Variants in TFEC observed in about 807,000 individuals in gnomAD.
The protein encoded by TFEC is class E basic helix-loop-helix protein 34.
TFEC carries 31 observed loss-of-function variants against 41.6 expected under a neutral mutation model. The ratio of observed to expected loss-of-function variants is 0.74; its 90% CI spans 0.56 to 1.01. TFEC has a LOEUF of 1.01. Ranked by LOEUF, TFEC falls within the 50% of genes least tolerant of loss-of-function variation. TFEC has a pLI of 0.00. For synonymous variants in TFEC, 143 were observed against 140.6 expected (o/e 1.02, Z -0.12); for missense variants, 402 against 404.1 (o/e 0.99, Z 0.04).
intron 2 of TFEC, among the ~76,000 whole-genome samples, chr7:115,983,226 A>G (rs1793706200): frequency 6.6e-6 from 1 of 152,060 alleles, no homozygotes; most frequent in South Asian, 2.1e-4. Context: ...ACATGTAGGT[A>G]TTTACATTCG....
At chr7:116,093,537 G>T (rs991905509) in intron 3 of TFEC, among the ~76,000 whole-genome samples, 1 of 151,884 alleles carries the variant, frequency 6.6e-6, no homozygotes, top group African/African-American at 2.4e-5. Context: ...CTTTAGCGTG[G>T]GTCTGATTTT....
intron 1 of TFEC, among the ~76,000 whole-genome samples, chr7:116,141,314 CATAAATA>C (rs1354626402): frequency 6.6e-6 from 1 of 151,874 alleles, no homozygotes; most frequent in Non-Finnish European, 1.5e-5. Context: ...ATGTTAATGT[CATAAATA>C]ATAAATAATC....
At chr7:115,986,243 A>G (rs1035963846) in intron 1 of TFEC, among the ~76,000 whole-genome samples, 4 of 152,190 alleles carry the variant, frequency 2.6e-5, no homozygotes, top group Non-Finnish European at 5.9e-5. Flanking sequence ...GATACTAGGC[A>G]CTATGCTAAA....
chr7:115,942,111 T>G (rs1793538438), intron 6 of TFEC, 71 bp from the exon 7 acceptor site: 1 of 1,428,006 alleles, frequency 7.0e-7, no homozygotes, highest in African/African-American at 1.4e-5. Flanking sequence ...TACAAAATCT[T>G]TTACATTAAT....
chr7:116,007,405 CT>C (rs1374224337), intron 1 of TFEC, among the ~76,000 whole-genome samples: 1 of 152,178 alleles, frequency 6.6e-6, no homozygotes, highest in Non-Finnish European at 1.5e-5. Flanking sequence ...ATGTTATTAA[CT>C]TACCTATTTG....
At position 115,937,269 on chromosome 7, in the gene TFEC, T is replaced by C. The variant is rs1164975484; in HGVS notation, c.*3282A>G. The C allele has an allele frequency of 6.6e-6, 1 of 151,728 alleles. No individual in the cohort carries two copies. The highest frequency in any genetic ancestry group is 1.9e-4 in the East Asian group (1 of 5,184). 9.4% of individuals were successfully genotyped at this position (151,728 alleles called of 1,614,324 possible). ...ATGAAAAGGGATAATTGTATATTAA[T>C]TGAATGAATAAATCAATAATTATGC... is the stretch of plus-strand genomic sequence containing the variant. On this transcript the variant is annotated 3_prime_UTR_variant, in exon 8 of 8. Coordinates refer to ENST00000265440, the MANE Select transcript of TFEC (RefSeq NM_012252.4).
Position 116,080,976 on chromosome 7 carries a change from A to AGTGTATGTAT in TFEC, c.198+29731_198+29732insATACATACAC, listed in dbSNP as rs1424213374. ...ATCAACGAGTGGATAAAGAAAATGT[A>AGTGTATGTAT]GTGTGTGTGTGTGTGTGTGTGTGTG... On this transcript the variant is annotated intron_variant, in intron 3 of 8. Coordinates refer to the TFEC transcript ENST00000484212. 1.3e-3 allele frequency among the ~76,000 whole-genome samples: 185 copies of AGTGTATGTAT among 138,012 alleles called. 1 individual carries two copies. Among genetic ancestry groups the AGTGTATGTAT allele is most frequent in the African/African-American group, 4.3e-3 (160 of 37,006 alleles). 90.5% of individuals were successfully genotyped at this position (138,012 alleles called of 152,430 possible).
intron 1 of TFEC, among the ~76,000 whole-genome samples, chr7:116,014,021 C>T (rs10085427): frequency 0.45 from 68,053 of 151,684 alleles, 15,997 homozygotes; most frequent in African/African-American, 0.59. Context: ...CACTTTAGTC[C>T]CTAGATTATG....
intron 5 of TFEC, among the ~76,000 whole-genome samples, chr7:115,953,732 A>G (rs2130385429): frequency 6.6e-6 from 1 of 152,206 alleles, no homozygotes; most frequent in Admixed American, 6.5e-5. Context: ...ACCATGTGCC[A>G]GCTCTTGTCT....
chr7:116,028,819 TATCTAAA>T (rs1795681546), intron 1 of TFEC, among the ~76,000 whole-genome samples: 1 of 152,242 alleles, frequency 6.6e-6, no homozygotes, highest in Non-Finnish European at 1.5e-5. Context: ...TTCACTAGTT[TATCTAAA>T]ACCATTGTGT....
At chr7:115,965,677 T>G (rs1393769139) in intron 3 of TFEC, among the ~76,000 whole-genome samples, 1 of 151,692 alleles carries the variant, frequency 6.6e-6, no homozygotes, top group Non-Finnish European at 1.5e-5. Flanking sequence ...AGCTTTGTCT[T>G]TGTTTAAAAT....
chr7:116,000,757 C>A (rs571204630), intron 1 of TFEC, among the ~76,000 whole-genome samples: 1 of 152,076 alleles, frequency 6.6e-6, no homozygotes, highest in South Asian at 2.1e-4. Context: ...AGAGAAAGAT[C>A]TCTACAATGT....
chr7:116,103,282 C>A (rs1261408505), intron 3 of TFEC, among the ~76,000 whole-genome samples: 1 of 152,056 alleles, frequency 6.6e-6, no homozygotes, highest in Non-Finnish European at 1.5e-5. Flanking sequence ...ACCAAGACAC[C>A]AGAAAGTGGA....
In TFEC at chr7:116,095,150, C is replaced by T. The variant is rs1422470981; in HGVS notation, c.198+15558G>A. Reference sequence around the variant, plus strand: ...ATACAGGGCTGCTTACTTAATATCCCTTTCATGGTTTGACCTTTTCAGAAT... The same window carrying T: ...ATACAGGGCTGCTTACTTAATATCCTTTTCATGGTTTGACCTTTTCAGAAT... On this transcript the variant is annotated intron_variant, in intron 3 of 8. Transcript: ENST00000484212. Among the ~76,000 whole-genome samples, 4 of 152,282 alleles carry T rather than the reference C, an allele frequency of 2.6e-5. No homozygotes were observed. In the East Asian group the frequency reaches 5.8e-4, roughly 22 times the overall value.
intron 3 of TFEC, among the ~76,000 whole-genome samples, chr7:116,102,036 A>T (rs1052145406): frequency 2.0e-5 from 3 of 152,194 alleles, no homozygotes; most frequent in Non-Finnish European, 2.9e-5. Flanking sequence ...TCGTCCTATC[A>T]CATGTTCCTC....
chr7:115,941,736 A>G, intron 7 of TFEC, 157 bp downstream of exon 7: 1 of 911,582 alleles, frequency 1.1e-6, no homozygotes, highest in Non-Finnish European at 1.6e-6. Context: ...TAATTGAAAC[A>G]ACCCAATTCA....
intron 3 of TFEC, among the ~76,000 whole-genome samples, chr7:115,965,237 T>C (rs1304593201): frequency 6.6e-6 from 1 of 151,664 alleles, no homozygotes; most frequent in Admixed American, 6.6e-5. Flanking sequence ...ACCACGGTAA[T>C]AGCTTCTTAA....
chr7:116,040,217 G>A (rs999284048), intron 3 of TFEC, among the ~76,000 whole-genome samples: 6 of 152,092 alleles, frequency 3.9e-5, no homozygotes, highest in Non-Finnish European at 5.9e-5. Context: ...AATAAAAGTT[G>A]TCACCAAATC....
intron 3 of TFEC, among the ~76,000 whole-genome samples, chr7:115,973,077 T>C (rs1793207845): frequency 6.6e-6 from 1 of 151,030 alleles, no homozygotes; most frequent in Non-Finnish European, 1.5e-5. Context: ...CATCATTCTA[T>C]ATTTAAAAAA....
Sources: allele counts gnomAD v4.1 joint callset (sites outside exome capture counted in the v4.1 genomes callset), GRCh38; gene constraint gnomAD v4.1.1; transcripts MANE v1.5; gene names NCBI Gene and HGNC (gene_info 2026-07-23, HGNC 2026-07-21).